SCRG1: variants seen among roughly 807,000 people sequenced by gnomAD.
The protein encoded by SCRG1 is stimulator of chondrogenesis 1.
A neutral mutation model predicts 7.7 loss-of-function variants in SCRG1; 3 were observed. The observed-to-expected ratio is 0.39, with a 90% CI of 0.18 to 1.01. SCRG1 has a LOEUF of 1.01. Among genes scored for constraint, SCRG1 ranks in the 50% least tolerant of loss-of-function variants. SCRG1 has a pLI of 0.36. For missense variants in SCRG1, 110 were observed against 117.2 expected, an observed-to-expected ratio of 0.94 and a Z score of 0.28; for synonymous variants, 46 against 41.2, an observed-to-expected ratio of 1.12 and a Z score of -0.44.
chr4:173,398,051 T>G (rs1187732206), intron 1 of SCRG1, among the ~76,000 whole-genome samples: 1 of 152,242 alleles, frequency 6.6e-6, no homozygotes, highest in East Asian at 1.9e-4. Context: ...AATCACTGTT[T>G]TTTTAAAGTT....
chr4:173,482,548 T>A, the SCRG1 span, among the ~76,000 whole-genome samples: 2 of 152,100 alleles, frequency 1.3e-5, no homozygotes, highest in Non-Finnish European at 2.9e-5. Flanking sequence ...CAGGGCACAG[T>A]GGCTCATGTC....
chr4:173,400,861 G>A (rs957929288), upstream of SCRG1, among the ~76,000 whole-genome samples: 2 of 152,128 alleles, frequency 1.3e-5, no homozygotes, highest in African/African-American at 4.8e-5. Context: ...CTGCCCCTTA[G>A]AATAGATTAT....
In SCRG1 at chr4:173,391,358, T is replaced by C; in HGVS notation, c.57A>G (p.Gln19=). Residue 19 remains glutamine (Q), a synonymous_variant, in exon 2 of 3, where the codon CAA becomes CAG. Transcript: ENST00000296506. ...TIGLTLLLGV[Q]AMPANRLSCY... Reference sequence around the variant, plus strand: ...AAGAGAGGCGATTTGCAGGCATGGCTTGAACTCCTAGCAGCAAAGTTAGCC... The same window carrying C: ...AAGAGAGGCGATTTGCAGGCATGGCCTGAACTCCTAGCAGCAAAGTTAGCC... 6.2e-7 allele frequency: 1 copy of C among 1,614,222 alleles called. No homozygotes were observed. Among genetic ancestry groups the C allele is most frequent in the Non-Finnish European group, 8.5e-7 (1 of 1,180,040 alleles).
At chr4:173,495,329 A>G in the SCRG1 span, among the ~76,000 whole-genome samples, 1 of 152,228 alleles carries the variant, frequency 6.6e-6, no homozygotes, top group Non-Finnish European at 1.5e-5. Flanking sequence ...CACTGCCACA[A>G]ACTGCTTTAT....
At chr4:173,463,864 G>T in the SCRG1 span, among the ~76,000 whole-genome samples, 6 of 152,128 alleles carry the variant, frequency 3.9e-5, no homozygotes, top group Non-Finnish European at 8.8e-5. Context: ...GGTAACATGG[G>T]GCTGGCGTTC....
At chr4:173,454,003 G>A in the SCRG1 span, among the ~76,000 whole-genome samples, 26 of 151,916 alleles carry the variant, frequency 1.7e-4, no homozygotes, top group Non-Finnish European at 3.1e-4. Flanking sequence ...GCTTGAACCC[G>A]GGAGGTGGAG....
rs1739252708 is a variant in SCRG1 at position 173,386,495 on chromosome 4, G to A, written c.*1846C>T. On this transcript the variant is annotated 3_prime_UTR_variant, in exon 3 of 3. Coordinates refer to ENST00000296506, the MANE Select transcript of SCRG1 (RefSeq NM_007281.4). ...ACTGAATTGTGACTACCTCAAAATT[G>A]TTTGGTCCAGCCCAGTAACACTTAT... 1 of 151,978 alleles carries A rather than the reference G, an allele frequency of 6.6e-6. No homozygotes were observed. The highest frequency in any genetic ancestry group is 1.9e-4 in the East Asian group (1 of 5,178). 9.4% of individuals were successfully genotyped at this position (151,978 alleles called of 1,614,324 possible).
the SCRG1 span, among the ~76,000 whole-genome samples, chr4:173,411,506 C>T: frequency 6.6e-6 from 1 of 152,302 alleles, no homozygotes. Flanking sequence ...AATCACCATC[C>T]CCCTAGTTCC....
chr4:173,409,588 CTTTTTT>C (rs372218375), upstream of SCRG1, among the ~76,000 whole-genome samples: 3 of 133,336 alleles, frequency 2.2e-5, no homozygotes, highest in Non-Finnish European at 3.1e-5. Context: ...TCCCTGCATA[CTTTTTT>C]TTTTTTTTTT....
At position 173,395,077 on chromosome 4, in the gene SCRG1, T is replaced by G. The variant is rs574287766; in HGVS notation, c.-14-3649A>C. 1.1e-3 allele frequency among the ~76,000 whole-genome samples: 171 copies of G among 152,356 alleles called. 2 individuals carry two copies. Among genetic ancestry groups the G allele is most frequent in the South Asian group, 9.7e-3 (47 of 4,828 alleles). Reference sequence around the variant, plus strand: ...AATGTTCTTTTTTGGGCTAGTTTTTTGAGTTTTAGGTCTCAGTTTAAATGT... The same window carrying G: ...AATGTTCTTTTTTGGGCTAGTTTTTGGAGTTTTAGGTCTCAGTTTAAATGT... On this transcript the variant is annotated intron_variant, in intron 1 of 2. Coordinates refer to ENST00000296506, the MANE Select transcript of SCRG1 (RefSeq NM_007281.4).
the SCRG1 span, among the ~76,000 whole-genome samples, chr4:173,470,293 G>T: frequency 2.0e-5 from 3 of 151,962 alleles, no homozygotes; most frequent in African/African-American, 7.3e-5. Flanking sequence ...AACCTATATT[G>T]GGCATCTATT....
the SCRG1 span, among the ~76,000 whole-genome samples, chr4:173,489,959 T>C: frequency 6.6e-6 from 1 of 152,196 alleles, no homozygotes; most frequent in South Asian, 2.1e-4. Context: ...AAAATATAAA[T>C]GCATTTGGGT....
At chr4:173,477,709 T>C in the SCRG1 span, among the ~76,000 whole-genome samples, 3 of 3,130 alleles carry the variant, frequency 9.6e-4, no homozygotes, top group South Asian at 0.011. Flanking sequence ...TTTTTTCCCT[T>C]CCTTCCTTCC....
At chr4:173,518,856 C>G in the SCRG1 span, among the ~76,000 whole-genome samples, 1 of 150,054 alleles carries the variant, frequency 6.7e-6, no homozygotes, top group Non-Finnish European at 1.5e-5. Flanking sequence ...CCGCCCCCTG[C>G]TCCCCGCTTC....
chr4:173,515,586 C>CTGTGTGTGTG, the SCRG1 span, among the ~76,000 whole-genome samples: 1 of 150,596 alleles, frequency 6.6e-6, no homozygotes, highest in Non-Finnish European at 1.5e-5. This position sits in a 1 kb window ranked among gnomAD's most constrained non-coding sequence, Gnocchi z 4.6. Flanking sequence ...GTGTGTGTGT[C>CTGTGTGTGTG]TGTGTGTGTG....
chr4:173,471,920 G>T, the SCRG1 span, among the ~76,000 whole-genome samples: 1 of 152,156 alleles, frequency 6.6e-6, no homozygotes, highest in African/African-American at 2.4e-5. Context: ...TGTTGGTCAG[G>T]CTGGTCTCGA....
the SCRG1 span, among the ~76,000 whole-genome samples, chr4:173,483,479 TATATA>T: frequency 1.3e-4 from 10 of 76,380 alleles, no homozygotes; most frequent in Admixed American, 2.1e-4. Context: ...TATATTCTGA[TATATA>T]ATATATTATA....
At chr4:173,511,069 C>T in the SCRG1 span, among the ~76,000 whole-genome samples, 329 of 152,242 alleles carry the variant, frequency 2.2e-3, 1 homozygote, top group African/African-American at 7.4e-3. The surrounding 1 kb of genome is among the most constrained non-coding windows in gnomAD (Gnocchi z 5.2). Context: ...TGGATTCAAG[C>T]GATTCTCCTA....
chr4:173,467,361 C>T, the SCRG1 span, among the ~76,000 whole-genome samples: 1 of 152,030 alleles, frequency 6.6e-6, no homozygotes, highest in Non-Finnish European at 1.5e-5. Context: ...AAGTGATTAG[C>T]CAATGCACTA....
Sources: allele counts gnomAD v4.1 joint callset (sites outside exome capture counted in the v4.1 genomes callset), GRCh38; gene constraint gnomAD v4.1.1; non-coding constraint Gnocchi (gnomAD v3.1); transcripts MANE v1.5; gene names NCBI Gene and HGNC (gene_info 2026-07-23, HGNC 2026-07-21).